RGPD8: variants seen among roughly 807,000 people sequenced by gnomAD.
The protein encoded by RGPD8 is RANBP2 like and GRIP domain containing 8.
RGPD8 carries 15 observed loss-of-function variants against 89.1 expected under a neutral mutation model. The observed-to-expected ratio is 0.17, with a 90% CI of 0.11 to 0.26. The LOEUF (loss-of-function observed/expected upper bound fraction) is 0.26, where lower values mean the gene tolerates loss of function less well. RGPD8 is among the 10% of genes least tolerant of loss of function. The pLI is 1.00. For missense variants in RGPD8, 178 were observed against 1,179.6 expected (o/e 0.15, Z 12.44); for synonymous variants, 62 against 420.9 (o/e 0.15, Z 10.44).
At chr2:112,402,495 C>CAAGAA (rs552548180) in intron 9 of RGPD8, among the ~76,000 whole-genome samples, 35,657 of 145,536 alleles carry the variant, frequency 0.25, 445 homozygotes, top group Middle Eastern at 0.3. Flanking sequence ...GTCTCAAAAA[C>CAAGAA]AAGAAAAGAA....
intron 22 of RGPD8, among the ~76,000 whole-genome samples, chr2:112,376,668 G>C (rs1320195042): frequency 6.6e-6 from 1 of 152,030 alleles, no homozygotes; most frequent in Non-Finnish European, 1.5e-5. Flanking sequence ...AGAAAAATTA[G>C]CTGGCGTGCA....
chr2:112,410,915 G>A (rs62157476), intron 7 of RGPD8, among the ~76,000 whole-genome samples: 3,891 of 152,026 alleles, frequency 0.026, no homozygotes, highest in Middle Eastern at 0.058. Context: ...GAGAAACCTC[G>A]TCTCTACTAA....
intron 7 of RGPD8, among the ~76,000 whole-genome samples, chr2:112,411,040 C>T (rs1399133508): frequency 3.9e-5 from 6 of 152,050 alleles, no homozygotes; most frequent in East Asian, 1.9e-4. Context: ...AGCCAGATGG[C>T]GCCATTGCAC....
intron 1 of RGPD8, among the ~76,000 whole-genome samples, chr2:112,431,582 G>T (rs143512108): frequency 0.02 from 3,079 of 151,526 alleles, 55 homozygotes; most frequent in Non-Finnish European, 0.031. Context: ...CCTATGCTTA[G>T]TTATGATAAG....
chr2:112,382,637 TG>T (rs1156406095), intron 20 of RGPD8, among the ~76,000 whole-genome samples: 1 of 150,122 alleles, frequency 6.7e-6, no homozygotes, highest in East Asian at 2.0e-4. Context: ...GAGAGGAAAC[TG>T]GGCCTATTAG....
chr2:112,431,314 T>C (rs1231153508), intron 1 of RGPD8, among the ~76,000 whole-genome samples: 1 of 152,156 alleles, frequency 6.6e-6, no homozygotes, highest in Non-Finnish European at 1.5e-5. Context: ...ACAGGAACCC[T>C]CAATTAAGGT....
intron 22 of RGPD8, 147 bp from the exon 23 acceptor site, chr2:112,370,359 G>GGTCTT (rs1249646916): frequency 5.0e-5 from 5 of 100,752 alleles, no homozygotes; most frequent in African/African-American, 7.1e-5. Flanking sequence ...GGGGGGGGGG[G>GGTCTT]TTCTTTTTTT....
At chr2:112,416,534 T>C (rs1397821317) in intron 6 of RGPD8, among the ~76,000 whole-genome samples, 1 of 149,374 alleles carries the variant, frequency 6.7e-6, no homozygotes, top group Non-Finnish European at 1.5e-5. Flanking sequence ...CCACAGACAA[T>C]ACATAAACAG....
intron 7 of RGPD8, among the ~76,000 whole-genome samples, chr2:112,411,460 A>G (rs1679198854): frequency 9.8e-6 from 1 of 101,996 alleles, no homozygotes; most frequent in South Asian, 4.5e-4. Flanking sequence ...AGTCCCAGCT[A>G]CTCAGGAGGC....
At chr2:112,424,926 T>C in intron 1 of RGPD8, among the ~76,000 whole-genome samples, 2 of 148,386 alleles carry the variant, frequency 1.3e-5, no homozygotes, top group Middle Eastern at 6.9e-3. Flanking sequence ...TAGCCAGGCA[T>C]AGTGGAGCAT....
intron 1 of RGPD8, among the ~76,000 whole-genome samples, chr2:112,425,468 A>T (rs1679730775): frequency 6.6e-6 from 1 of 152,064 alleles, no homozygotes; most frequent in Non-Finnish European, 1.5e-5. Context: ...CAAAATGCTG[A>T]TGCACACCAG....
At chr2:112,426,889 G>A (rs1286738643) in intron 1 of RGPD8, among the ~76,000 whole-genome samples, 2 of 145,552 alleles carry the variant, frequency 1.4e-5, no homozygotes, top group Non-Finnish European at 3.0e-5. Context: ...GCGGTGGCTC[G>A]ATCTCAGCTC....
At chr2:112,390,815 G>C (rs1283024902) in intron 19 of RGPD8, among the ~76,000 whole-genome samples, 160 bp downstream of exon 19, 1 of 145,614 alleles carries the variant, frequency 6.9e-6, no homozygotes, top group African/African-American at 2.5e-5. Context: ...TAAGGTGACT[G>C]AGAAGGATAA....
chr2:112,429,734 G>A (rs1027423449), intron 1 of RGPD8, among the ~76,000 whole-genome samples: 8 of 152,102 alleles, frequency 5.3e-5, no homozygotes, highest in African/African-American at 1.2e-4. Flanking sequence ...ATAAGAAATC[G>A]ACTTGACAGA....
In RGPD8 at chr2:112,433,464, A is replaced by G. The variant is rs1558995223; in HGVS notation, c.-11T>C. ...CTTGCTGCGCCTCATCGCGCCGCCAACCTGGCTCCCGAGACGCGTGCGAGC... is the reference window on the plus strand; with the variant it reads ...CTTGCTGCGCCTCATCGCGCCGCCAGCCTGGCTCCCGAGACGCGTGCGAGC... On this transcript the variant is annotated 5_prime_UTR_variant, in exon 1 of 23. Transcript: ENST00000302558. 4 of 1,606,786 alleles carry G rather than the reference A, an allele frequency of 2.5e-6. No individual in the cohort carries two copies. Among genetic ancestry groups the G allele is most frequent in the Admixed American group, 1.7e-5 (1 of 59,698 alleles).
At chr2:112,431,646 T>G (rs546707330) in intron 1 of RGPD8, among the ~76,000 whole-genome samples, 9 of 145,092 alleles carry the variant, frequency 6.2e-5, no homozygotes, top group African/African-American at 2.2e-4. Flanking sequence ...TTCTGGTTTT[T>G]TTTTTTTTTT....
intron 7 of RGPD8, among the ~76,000 whole-genome samples, chr2:112,410,268 A>T: frequency 6.9e-6 from 1 of 145,520 alleles, no homozygotes; most frequent in Non-Finnish European, 1.5e-5. Flanking sequence ...AGCCTGGGTG[A>T]CAGAGTGAGA....
intron 21 of RGPD8, among the ~76,000 whole-genome samples, chr2:112,379,603 AAC>A (rs1272116718): frequency 1.7e-5 from 2 of 118,050 alleles, no homozygotes; most frequent in African/African-American, 5.5e-5. Flanking sequence ...AAAAAAAAAA[AAC>A]AAGAAAATAT....
chr2:112,433,556 C>T lies in RGPD8; in HGVS notation c.-103G>A, dbSNP rs1414444035. ...TGCCTGCAAGCCACTGAAGCAGCGG[C>T]GTAGCCGGCGGAGGCCCACTGTGAC... On this transcript the variant is annotated 5_prime_UTR_variant, in exon 1 of 23. Transcript: ENST00000302558. 4.7e-6 allele frequency: 6 copies of T among 1,268,050 alleles called. No homozygotes were observed. In the African/African-American group the frequency reaches 6.1e-5, roughly 13 times the overall value. 78.5% of individuals were successfully genotyped at this position (1,268,050 alleles called of 1,614,324 possible).
Sources: allele counts gnomAD v4.1 joint callset (sites outside exome capture counted in the v4.1 genomes callset), GRCh38; gene constraint gnomAD v4.1.1; transcripts MANE v1.5; gene names NCBI Gene and HGNC (gene_info 2026-07-23, HGNC 2026-07-21).